GLIPR2: variants seen among roughly 807,000 people sequenced by gnomAD.
GLIPR2 encodes GLI pathogenesis related 2.
A neutral mutation model predicts 20.4 loss-of-function variants in GLIPR2; 21 were observed. That is an observed-to-expected ratio of 1.03 (90% CI 0.73 to 1.48). The LOEUF is 1.48. Among genes scored for constraint, GLIPR2 ranks in the 40% most tolerant of loss-of-function variants. The pLI, the probability that GLIPR2 is intolerant of heterozygous loss-of-function variation, is 0.00. For synonymous variants in GLIPR2, 91 were observed against 80.5 expected (o/e 1.13, Z -0.70); for missense variants, 205 against 200.1 (o/e 1.02, Z -0.15).
chr9:36,143,375 T>G (rs116993464), intron 1 of GLIPR2, among the ~76,000 whole-genome samples: 2,150 of 152,274 alleles, frequency 0.014, 25 homozygotes, highest in South Asian at 0.028. Context: ...GAGTCCTCCT[T>G]TCCTGACGCA....
Position 36,148,599 on chromosome 9 carries a change from A to G in GLIPR2, c.175A>G (p.Ser59Gly). ...TRILKHSPES[S>G]RGQCGENLAW... ...GATCCTCAAGCACAGCCCGGAGTCCAGCCGTGGCCAGTGTGGGGAGAACCT... is the reference window on the plus strand; with the variant it reads ...GATCCTCAAGCACAGCCCGGAGTCCGGCCGTGGCCAGTGTGGGGAGAACCT... The change falls in exon 3 of 5, where the codon AGC becomes GGC. Residue 59 changes from serine (S) to glycine (G), a missense_variant. Transcript: ENST00000377960. The G allele has an allele frequency of 6.2e-7, 1 of 1,614,180 alleles. No individual in the cohort carries two copies. The highest frequency in any genetic ancestry group is 8.5e-7 in the Non-Finnish European group (1 of 1,179,982).
chr9:36,157,163 C>T (rs1825868936), intron 4 of GLIPR2, among the ~76,000 whole-genome samples: 1 of 150,176 alleles, frequency 6.7e-6, no homozygotes, highest in East Asian at 1.9e-4. Flanking sequence ...ATTATAGGCA[C>T]CCGCCATCAT....
At chr9:36,137,160 T>A (rs956601978) in intron 1 of GLIPR2, among the ~76,000 whole-genome samples, 1 of 152,104 alleles carries the variant, frequency 6.6e-6, no homozygotes, top group Middle Eastern at 3.2e-3. Context: ...CGCTCGGCTG[T>A]CCCGAGGACA....
At chr9:36,146,918 G>A (rs79422580) in intron 1 of GLIPR2, among the ~76,000 whole-genome samples, 2,088 of 152,200 alleles carry the variant, frequency 0.014, 51 homozygotes, top group East Asian at 0.12. Context: ...GTCTTGGGGC[G>A]GCTGCACTTC....
chr9:36,136,729 G>GAGCGC (rs1824832150), upstream of GLIPR2: 1 of 1,203,912 alleles, frequency 8.3e-7, no homozygotes, highest in African/African-American at 1.6e-5. The surrounding 1 kb of genome is among the most constrained non-coding windows in gnomAD (Gnocchi z 4.3). Context: ...TGGGCCGGGC[G>GAGCGC]AGCGCAGTGC....
chr9:36,150,630 TC>T (rs1209194664), intron 3 of GLIPR2, among the ~76,000 whole-genome samples: 1 of 152,148 alleles, frequency 6.6e-6, no homozygotes, highest in Non-Finnish European at 1.5e-5. Context: ...AGGTGCAGAT[TC>T]CCTGACCCCA....
chr9:36,143,591 C>T (rs1403358528), intron 1 of GLIPR2, among the ~76,000 whole-genome samples: 2 of 152,236 alleles, frequency 1.3e-5, no homozygotes, highest in South Asian at 2.1e-4. Context: ...TCGTTCTGAT[C>T]AGCGTCTCCT....
Position 36,153,112 on chromosome 9 carries a change from G to C in GLIPR2, c.304+2163G>C, listed in dbSNP as rs147410366. The stretch of plus-strand genomic sequence containing the variant: ...ACTCCAGCCTGGGCAACAAGGGCGA[G>C]ACTCTGTCTCAAAAAAAAAAAAAAA... On this transcript the variant is annotated intron_variant, in intron 4 of 4. Transcript: ENST00000377960. 7.1e-3 allele frequency among the ~76,000 whole-genome samples: 940 copies of C among 132,364 alleles called. 10 individuals carry two copies. Among genetic ancestry groups the C allele is most frequent in the African/African-American group, 0.026 (896 of 34,548 alleles). 86.8% of individuals were successfully genotyped at this position (132,364 alleles called of 152,430 possible).
chr9:36,147,684 A>G, intron 1 of GLIPR2, 102 bp from the exon 2 acceptor site: 2 of 718,414 alleles, frequency 2.8e-6, no homozygotes, highest in Non-Finnish European at 5.2e-6. Flanking sequence ...GCCTGTCCAC[A>G]TGGCCTAAGG....
chr9:36,162,302 T>A, intron 4 of GLIPR2, 60 bp from the exon 5 acceptor site: 1 of 1,600,162 alleles, frequency 6.2e-7, no homozygotes, highest in South Asian at 1.1e-5. Context: ...CCCTGCCACA[T>A]CCTTCTTCAG....
rs1391588059 is a variant in GLIPR2, at chr9:36,147,782, C to T, written c.14-4C>T. The T allele has an allele frequency of 2.9e-6, 4 of 1,372,372 alleles. No individual in the cohort carries two copies. The highest frequency in any genetic ancestry group is 1.8e-4 in the Middle Eastern group (1 of 5,606). 85.0% of individuals were successfully genotyped at this position (1,372,372 alleles called of 1,614,324 possible). ...AGCCATTCTCCATTTTGCAATCATT[C>T]CAGCTTCCAAACAGTTTCATAATGA... is the stretch of plus-strand genomic sequence containing the variant. On this transcript the variant is annotated splice_region_variant and splice_polypyrimidine_tract_variant and intron_variant, in intron 1 of 4. Coordinates refer to ENST00000377960, the MANE Select transcript of GLIPR2 (RefSeq NM_022343.4).
intron 3 of GLIPR2, among the ~76,000 whole-genome samples, chr9:36,150,477 G>A (rs975403369): frequency 5.3e-5 from 8 of 152,226 alleles, no homozygotes; most frequent in African/African-American, 1.9e-4. Context: ...TGAGATGACA[G>A]TATAGTCTCC....
chr9:36,150,024 G>A lies in GLIPR2; in HGVS notation c.227-848G>A, dbSNP rs553415427. ...GCTTGGGCAACAAGAGCGAAACTCC[G>A]TCTCAGAAAACAAAACAAACCAAAC... On this transcript the variant is annotated intron_variant, in intron 3 of 4. Coordinates refer to ENST00000377960, the MANE Select transcript of GLIPR2 (RefSeq NM_022343.4). 1.1e-4 allele frequency among the ~76,000 whole-genome samples: 17 copies of A among 152,284 alleles called. No homozygotes were observed. The East Asian group carries it at 1.9e-3, about 17-fold the overall frequency.
intron 1 of GLIPR2, among the ~76,000 whole-genome samples, chr9:36,142,773 A>G (rs1825145179): frequency 1.3e-5 from 2 of 151,754 alleles, no homozygotes; most frequent in African/African-American, 4.8e-5. Context: ...GCTTCTTGCT[A>G]GGTGTGGCAG....
rs144521227 is a variant in GLIPR2, at chr9:36,147,797, T to G, written c.25T>G (p.Phe9Val). Residue 9 changes from phenylalanine (F) to valine (V), a missense_variant, in exon 2 of 5, where the codon TTT becomes GTT. Transcript: ENST00000377960. ...TGCAATCATTCCAGCTTCCAAACAG[T>G]TTCATAATGAGGTCCTGAAGGCCCA... The part of the protein sequence containing the change: MGKSASKQ[F>V]HNEVLKAHNE... The G allele has an allele frequency of 1.3e-6, 2 of 1,519,076 alleles. No homozygotes were observed. The allele number at this position is 1,519,076 out of a possible 1,614,324, so 94.1% of individuals were successfully genotyped here. A position where few individuals can be genotyped will look rare whatever the true frequency, so the allele number is the denominator to read the frequency against.
chr9:36,139,018 G>C (rs922984590), intron 1 of GLIPR2, among the ~76,000 whole-genome samples: 1 of 152,090 alleles, frequency 6.6e-6, no homozygotes, highest in African/African-American at 2.4e-5. Flanking sequence ...GAGGATAGGG[G>C]AGACTGCCGC....
intron 1 of GLIPR2, among the ~76,000 whole-genome samples, chr9:36,142,278 G>A (rs891954333): frequency 3.9e-5 from 6 of 152,190 alleles, no homozygotes; most frequent in African/African-American, 1.4e-4. Context: ...TCAGTCACCC[G>A]CTGCCTCTTT....
rs572741131 is a variant in GLIPR2 at position 36,136,756 on chromosome 9, G to A, written c.-23G>A. On this transcript the variant is annotated 5_prime_UTR_variant, in exon 1 of 5. Transcript: ENST00000377960. This position sits in a 1 kb window ranked among gnomAD's most constrained non-coding sequence, Gnocchi z 4.3. Reference sequence around the variant, plus strand: ...GCGCAGTGCAGCGCAGCCGCGGGGAGCGAGGAGCGCGCGGAGCCGGCCATG... The same window carrying A: ...GCGCAGTGCAGCGCAGCCGCGGGGAACGAGGAGCGCGCGGAGCCGGCCATG... 742 of 1,286,378 alleles carry A rather than the reference G, an allele frequency of 5.8e-4. 3 individuals carry two copies. The African/African-American group carries it at 0.01, about 18-fold the overall frequency. 79.7% of individuals were successfully genotyped at this position (1,286,378 alleles called of 1,614,324 possible). A position where few individuals can be genotyped will look rare whatever the true frequency, so the allele number is the denominator to read the frequency against.
At chr9:36,137,934 C>T (rs1361837302) in intron 1 of GLIPR2, among the ~76,000 whole-genome samples, 1 of 152,272 alleles carries the variant, frequency 6.6e-6, no homozygotes, top group Non-Finnish European at 1.5e-5. Context: ...AGAGGCAGGT[C>T]TGGCTTTCAG....
Sources: allele counts gnomAD v4.1 joint callset (sites outside exome capture counted in the v4.1 genomes callset), GRCh38; gene constraint gnomAD v4.1.1; non-coding constraint Gnocchi (gnomAD v3.1); transcripts MANE v1.5; gene names NCBI Gene and HGNC (gene_info 2026-07-23, HGNC 2026-07-21).